The following CBR3 variants were observed in gnomAD, a reference collection of about 807,000 sequenced individuals.
CBR3 encodes carbonyl reductase [NADPH] 3.
Under a neutral mutation model 11.6 loss-of-function variants are expected in CBR3, and 14 were observed. The observed-to-expected ratio is 1.20, with a 90% CI of 0.79 to 1.88. The LOEUF is 1.88. Ranked by LOEUF, CBR3 falls within the 40% of genes most tolerant of loss-of-function variation. The pLI, the probability that CBR3 is intolerant of heterozygous loss-of-function variation, is 0.00. For synonymous variants in CBR3, 125 were observed against 145.6 expected, an observed-to-expected ratio of 0.86 and a Z score of 1.02; for missense variants, 308 against 357.3, an observed-to-expected ratio of 0.86 and a Z score of 1.11.
intron 2 of CBR3, among the ~76,000 whole-genome samples, chr21:36,145,494 C>T (rs1045784626): frequency 1.3e-5 from 2 of 152,118 alleles, no homozygotes; most frequent in African/African-American, 4.8e-5. Flanking sequence ...CACACGCCAC[C>T]ACACCCAGCT....
At position 36,146,244 on chromosome 21, in the gene CBR3, G is replaced by A; in HGVS notation, c.566G>A (p.Trp189Ter). The A allele has an allele frequency of 6.2e-7, 1 of 1,614,162 alleles. No individual in the cohort carries two copies. Among genetic ancestry groups the A allele is most frequent in the Admixed American group, 1.7e-5 (1 of 60,002 alleles). ...AATGAGGTGCATGAGAGGGAAGGCTGGCCCAACTCACCTTATGGGGTGTCC... is the reference window on the plus strand; with the variant it reads ...AATGAGGTGCATGAGAGGGAAGGCTAGCCCAACTCACCTTATGGGGTGTCC... ...TKNEVHEREG[W>*]PNSPYGVSKL... is the part of the protein sequence containing the mutation. Residue 189 changes from tryptophan to a stop codon, truncating the protein, a stop_gained, in exon 3 of 3, where the codon TGG (tryptophan) becomes TAG (stop). Coordinates refer to ENST00000290354, the MANE Select transcript of CBR3 (RefSeq NM_001236.4). LOFTEE classifies it low-confidence loss of function (END_TRUNC).
chr21:36,142,442 A>AAAAAAAAAAAAAAAC, intron 2 of CBR3, among the ~76,000 whole-genome samples: 1 of 149,024 alleles, frequency 6.7e-6, no homozygotes, highest in South Asian at 2.1e-4. Flanking sequence ...AAAAAAAAAA[A>AAAAAAAAAAAAAAAC]AAAAAACGCA....
chr21:36,139,729 C>T (rs1323152749), intron 2 of CBR3, among the ~76,000 whole-genome samples: 3 of 151,618 alleles, frequency 2.0e-5, no homozygotes, highest in Non-Finnish European at 2.9e-5. Flanking sequence ...GATTATTGGC[C>T]GGGTGTGGTG....
intron 2 of CBR3, among the ~76,000 whole-genome samples, chr21:36,140,027 C>T (rs2065696765): frequency 6.6e-6 from 1 of 151,584 alleles, no homozygotes; most frequent in Admixed American, 6.6e-5. Flanking sequence ...GCTGGGTTTA[C>T]AGGCGAGCAC....
chr21:36,139,724 T>C (rs1363489994), intron 2 of CBR3, among the ~76,000 whole-genome samples: 1 of 151,942 alleles, frequency 6.6e-6, no homozygotes, highest in African/African-American at 2.4e-5. Flanking sequence ...ATATGGATTA[T>C]TGGCCGGGTG....
chr21:36,141,427 A>G (rs1451764250), intron 2 of CBR3: 1 of 152,190 alleles, frequency 6.6e-6, no homozygotes, highest in East Asian at 1.9e-4. Flanking sequence ...TATGTAATTT[A>G]TTGAATCTGT....
intron 2 of CBR3, chr21:36,141,276 A>AAAAAAAAC (rs2065707365): frequency 6.6e-6 from 1 of 150,456 alleles, no homozygotes; most frequent in African/African-American, 2.5e-5. Flanking sequence ...AAAAAAAAAA[A>AAAAAAAAC]TGCATTTAAC....
At chr21:36,136,985 AC>A (rs1348100803) in intron 1 of CBR3, 2 of 133,984 alleles carry the variant, frequency 1.5e-5, no homozygotes, top group Non-Finnish European at 3.1e-5. Flanking sequence ...AGGAGATTGC[AC>A]CCCTGCACTG....
At chr21:36,139,382 CTT>C (rs35931656) in intron 2 of CBR3, among the ~76,000 whole-genome samples, 47,694 of 126,460 alleles carry the variant, frequency 0.38, 8,332 homozygotes, top group South Asian at 0.49. Flanking sequence ...CTTGCTTTTT[CTT>C]TTTTTTTTTT....
intron 2 of CBR3, among the ~76,000 whole-genome samples, chr21:36,145,785 C>T (rs1160317948): frequency 1.3e-5 from 2 of 151,998 alleles, no homozygotes; most frequent in Admixed American, 6.6e-5. Context: ...CATGGTGAGA[C>T]CCTGTCTCTA....
chr21:36,145,607 T>G (rs1010802980), intron 2 of CBR3, among the ~76,000 whole-genome samples: 3 of 152,098 alleles, frequency 2.0e-5, no homozygotes, highest in African/African-American at 7.2e-5. Context: ...CCCAAAGTGC[T>G]GGGATTACAG....
At position 36,146,470 on chromosome 21, in the gene CBR3, A is replaced by G. The variant is rs760189151; in HGVS notation, c.792A>G (p.Pro264=). 2 of 1,612,626 alleles carry G rather than the reference A, an allele frequency of 1.2e-6. No individual in the cohort carries two copies. The highest frequency in any genetic ancestry group is 1.7e-6 in the Non-Finnish European group (2 of 1,178,884). Residue 264 remains proline (P), a synonymous_variant, in exon 3 of 3, where the codon CCA becomes CCG. Transcript: ENST00000290354. ...TCTTGCCTCCAGATGCCACTGAGCC[A>G]CAAGGCCAGTTGGTCCATGACAAAG... ...LALLPPDATE[P]QGQLVHDKVV...
chr21:36,145,785 C>A (rs1160317948), intron 2 of CBR3, among the ~76,000 whole-genome samples: 1 of 151,998 alleles, frequency 6.6e-6, no homozygotes, highest in Non-Finnish European at 1.5e-5. Flanking sequence ...CATGGTGAGA[C>A]CCTGTCTCTA....
At chr21:36,140,774 A>G (rs8126976) in intron 2 of CBR3, among the ~76,000 whole-genome samples, 127,485 of 151,848 alleles carry the variant, frequency 0.84, 53,592 homozygotes, top group Non-Finnish European at 0.87. Context: ...TTGGGAGGCC[A>G]AGGCAGGCAG....
In CBR3 at chr21:36,139,387, T is replaced by C. The variant is rs45610238; in HGVS notation, c.397+1455T>C. Among the ~76,000 whole-genome samples the C allele has an allele frequency of 1.8e-3, 272 of 148,298 alleles. 1 individual carries two copies. The highest frequency in any genetic ancestry group is 6.2e-3 in the African/African-American group (249 of 40,246). ...TAAAAATGTGCTTGCTTTTTCTTTT[T>C]TTTTTTTTTTTTTTGACAGAGTTTC... On this transcript the variant is annotated intron_variant, in intron 2 of 2. Transcript: ENST00000290354.
At chr21:36,143,565 T>C (rs2065729979) in intron 2 of CBR3, among the ~76,000 whole-genome samples, 2 of 152,154 alleles carry the variant, frequency 1.3e-5, no homozygotes, top group African/African-American at 2.4e-5. Context: ...AATATTAATA[T>C]TATCAAATAG....
intron 2 of CBR3, among the ~76,000 whole-genome samples, chr21:36,139,382 C>CTTTTT (rs35931656): frequency 1.6e-5 from 2 of 126,696 alleles, no homozygotes; most frequent in Non-Finnish European, 3.2e-5. Flanking sequence ...CTTGCTTTTT[C>CTTTTT]TTTTTTTTTT....
rs1601353889 is a variant in CBR3, at chr21:36,141,872, A to G, written c.397+3940A>G. On this transcript the variant is annotated intron_variant, in intron 2 of 2. Coordinates refer to ENST00000290354, the MANE Select transcript of CBR3 (RefSeq NM_001236.4). ...TTATTTCCTCGAAGGCACAGCTTCT[A>G]TGATCTGTGTTTTTCTTTCTTCCTT... 7 of 962,004 alleles carry G rather than the reference A, an allele frequency of 7.3e-6. No individual in the cohort carries two copies. In the South Asian group the frequency reaches 3.4e-4, roughly 46 times the overall value. The allele number at this position is 962,004 out of a possible 1,614,324, so 59.6% of individuals were successfully genotyped here.
intron 2 of CBR3, 105 bp from the exon 3 acceptor site, chr21:36,145,960 CAAAAAAAAAAA>C: frequency 2.2e-6 from 1 of 451,142 alleles, no homozygotes; most frequent in East Asian, 3.8e-5. Context: ...GACTCTGTCT[CAAAAAAAAAAA>C]AAAAAAAAAA....
Sources: gnomAD v4.1 joint callset for allele counts (sites outside exome capture counted in the v4.1 genomes callset) on GRCh38, gnomAD v4.1.1 for gene constraint, MANE v1.5 for transcripts, NCBI Gene and HGNC (gene_info 2026-07-23, HGNC 2026-07-21) for gene names.